Variants in BTBD2 observed in about 807,000 individuals in gnomAD.
The protein encoded by BTBD2 is BTB/POZ domain-containing protein 2.
A neutral mutation model predicts 44.0 loss-of-function variants in BTBD2; 15 were observed. The observed-to-expected ratio is 0.34, with a 90% CI of 0.23 to 0.53. The LOEUF (loss-of-function observed/expected upper bound fraction) is 0.53, where lower values mean the gene tolerates loss of function less well. Ranked by LOEUF, BTBD2 falls within the 20% of genes least tolerant of loss-of-function variation. The pLI is 0.95. For synonymous variants in BTBD2, 443 were observed against 335.9 expected, an observed-to-expected ratio of 1.32 and a Z score of -3.49; for missense variants, 657 against 746.4, an observed-to-expected ratio of 0.88 and a Z score of 1.39.
chr19:2,005,486 TA>T (rs1811074161), intron 1 of BTBD2, among the ~76,000 whole-genome samples: 2 of 151,962 alleles, frequency 1.3e-5, no homozygotes, highest in African/African-American at 4.8e-5. Flanking sequence ...GGCTAATTTT[TA>T]AAATTATTTT....
intron 4 of BTBD2, 69 bp from the exon 5 acceptor site, chr19:1,990,270 C>G: frequency 6.6e-7 from 1 of 1,505,552 alleles, no homozygotes; most frequent in Non-Finnish European, 9.0e-7. Context: ...GGCAGTGAGA[C>G]TAACGTGAGG....
chr19:1,986,360 A>C lies in BTBD2; in HGVS notation c.*128T>G. 1 of 1,160,504 alleles carries C rather than the reference A, an allele frequency of 8.6e-7. No individual in the cohort carries two copies. Among genetic ancestry groups the C allele is most frequent in the Non-Finnish European group, 1.2e-6 (1 of 800,880 alleles). The allele number at this position is 1,160,504 out of a possible 1,614,324, so 71.9% of individuals were successfully genotyped here. ...CCGTCCTGATGCTGAGAAAGGTGGC[A>C]TGGAGTGGACAGACGGCCTGGGGGA... On this transcript the variant is annotated 3_prime_UTR_variant, in exon 9 of 9. Transcript: ENST00000255608.
chr19:2,004,120 TC>T (rs1399305499), intron 1 of BTBD2, among the ~76,000 whole-genome samples: 2 of 151,860 alleles, frequency 1.3e-5, no homozygotes, highest in Admixed American at 6.6e-5. Context: ...GCTAAGAGTT[TC>T]CCCCCTTTCT....
chr19:2,013,112 G>A (rs2016488349), intron 1 of BTBD2, among the ~76,000 whole-genome samples: 1 of 152,206 alleles, frequency 6.6e-6, no homozygotes, highest in African/African-American at 2.4e-5. Context: ...CCTCTGCTAA[G>A]TACCGCCCAG....
intron 1 of BTBD2, among the ~76,000 whole-genome samples, chr19:2,010,127 G>C (rs2016445769): frequency 6.6e-6 from 1 of 152,194 alleles, no homozygotes; most frequent in Non-Finnish European, 1.5e-5. Flanking sequence ...ACTCCAGCCT[G>C]GGCAACAGAG....
intron 2 of BTBD2, 117 bp downstream of exon 2, chr19:1,997,227 G>A (rs373671011): frequency 1.2e-5 from 17 of 1,471,278 alleles, no homozygotes; most frequent in African/African-American, 1.1e-4. Context: ...GCACAGGAAC[G>A]TTCTAGAAAT....
At chr19:1,994,472 T>G (rs181544718) in intron 2 of BTBD2, among the ~76,000 whole-genome samples, 1 of 151,244 alleles carries the variant, frequency 6.6e-6, no homozygotes, top group East Asian at 2.0e-4. Context: ...AAACACATTT[T>G]TTTTTCAGCT....
chr19:2,004,390 C>A (rs752470584), intron 1 of BTBD2, among the ~76,000 whole-genome samples: 1 of 151,576 alleles, frequency 6.6e-6, no homozygotes. Context: ...ATCTGCCTCC[C>A]GGGTGCAAGC....
intron 1 of BTBD2, among the ~76,000 whole-genome samples, chr19:1,999,968 C>CAAAAAA (rs5826753): frequency 9.5e-6 from 1 of 104,882 alleles, no homozygotes; most frequent in Non-Finnish European, 2.1e-5. Flanking sequence ...GACTCCACCT[C>CAAAAAA]AAAAAAAAAA....
Position 1,990,775 on chromosome 19 carries a change from G to A in BTBD2, c.732C>T (p.Asn244=). 6.2e-7 allele frequency: 1 copy of A among 1,600,716 alleles called. No homozygotes were observed. The highest frequency in any genetic ancestry group is 8.5e-7 in the Non-Finnish European group (1 of 1,174,278). ...EPQLASLCLE[N]IDKNTADAIT... is the part of the protein sequence containing the mutation. ...TGGCGTCTGCAGTGTTTTTGTCGAT[G>A]TTCTCCAGGCACAGGCTGGCCAGCT... is the stretch of plus-strand genomic sequence containing the variant. Residue 244 remains asparagine, a synonymous_variant, in exon 4 of 9, where the codon AAC becomes AAT. Transcript: ENST00000255608.
chr19:2,007,492 G>A (rs2016409219), intron 1 of BTBD2, among the ~76,000 whole-genome samples: 1 of 152,070 alleles, frequency 6.6e-6, no homozygotes, highest in Admixed American at 6.6e-5. Flanking sequence ...ACACAGTCAA[G>A]GTCTCACTAT....
At chr19:2,004,495 C>T (rs2016369642) in intron 1 of BTBD2, among the ~76,000 whole-genome samples, 1 of 151,820 alleles carries the variant, frequency 6.6e-6, no homozygotes, top group Non-Finnish European at 1.5e-5. Flanking sequence ...CGGGGTTTCT[C>T]CATGTTGTTC....
intron 1 of BTBD2, among the ~76,000 whole-genome samples, chr19:1,999,510 T>C (rs1231671731): frequency 3.3e-5 from 5 of 150,972 alleles, no homozygotes; most frequent in African/African-American, 4.9e-5. Context: ...TACAAAAACA[T>C]TGAAAATTAG....
intron 4 of BTBD2, 109 bp downstream of exon 4, chr19:1,990,608 C>T (rs948612723): frequency 3.2e-5 from 33 of 1,035,476 alleles, no homozygotes; most frequent in Middle Eastern, 6.1e-4. Flanking sequence ...TGGTGAGGCC[C>T]CAGCTCACCT....
chr19:2,014,094 G>A (rs1469715689), intron 1 of BTBD2: 7 of 152,192 alleles, frequency 4.6e-5, no homozygotes, highest in Non-Finnish European at 8.8e-5. Flanking sequence ...GTGTAGTGGG[G>A]TCCCAGGGGG....
In BTBD2 at chr19:1,986,497, G is replaced by C. The variant is rs201986797; in HGVS notation, c.1569C>G (p.Phe523Leu). 1 of 1,613,868 alleles carries C rather than the reference G, an allele frequency of 6.2e-7. No homozygotes were observed. The highest frequency in any genetic ancestry group is 1.7e-5 in the Admixed American group (1 of 60,016). The change falls in exon 9 of 9, where the codon TTC (phenylalanine) becomes TTG (leucine). Residue 523 changes from phenylalanine to leucine, a missense_variant. Coordinates refer to ENST00000255608, the MANE Select transcript of BTBD2 (RefSeq NM_017797.4). ...GTCGGTGTCGGGCAGCCTAGGTGTAGAAGATGACCTCGGGGATCTGGCCGT... is the reference window on the plus strand; with the variant it reads ...GTCGGTGTCGGGCAGCCTAGGTGTACAAGATGACCTCGGGGATCTGGCCGT... ...VEDGQIPEVI[F>L]YT
At chr19:1,992,647 C>T (rs900247139) in intron 3 of BTBD2, among the ~76,000 whole-genome samples, 2 of 152,126 alleles carry the variant, frequency 1.3e-5, no homozygotes, top group African/African-American at 4.8e-5. Context: ...TCTCGGCTCA[C>T]TGCAACCTCC....
chr19:2,015,395 C>G lies in BTBD2; in HGVS notation c.309G>C (p.Val103=). 1.3e-6 allele frequency: 2 copies of G among 1,563,934 alleles called. No homozygotes were observed. Among genetic ancestry groups the G allele is most frequent in the Non-Finnish European group, 8.6e-7 (1 of 1,163,438 alleles). The change falls in exon 1 of 9, where the codon GTG becomes GTC. Residue 103 remains valine (V), a synonymous_variant. Coordinates refer to ENST00000255608, the MANE Select transcript of BTBD2 (RefSeq NM_017797.4). ...AYNWQASKPT[V]QERFAFLFNN... ...TGAAGAGGAAGGCGAAGCGCTCCTG[C>G]ACGGTGGGCTTGCTGGCCTGCCAGT...
At chr19:2,010,667 T>C (rs1235336266) in intron 1 of BTBD2, among the ~76,000 whole-genome samples, 2 of 146,654 alleles carry the variant, frequency 1.4e-5, no homozygotes, top group East Asian at 4.0e-4. Flanking sequence ...TGAGACGGAG[T>C]CTCGCCCTGT....
Sources: gnomAD v4.1 joint callset for allele counts (sites outside exome capture counted in the v4.1 genomes callset) on GRCh38, gnomAD v4.1.1 for gene constraint, MANE v1.5 for transcripts, NCBI Gene and HGNC (gene_info 2026-07-23, HGNC 2026-07-21) for gene names.